The following PGLYRP4 variants were observed in gnomAD, a reference collection of about 807,000 sequenced individuals.
The protein encoded by PGLYRP4 is peptidoglycan recognition protein 4.
A neutral mutation model predicts 41.2 loss-of-function variants in PGLYRP4; 39 were observed. That is an observed-to-expected ratio of 0.95 (90% CI 0.73 to 1.24). The LOEUF (loss-of-function observed/expected upper bound fraction) is 1.24. Among genes scored for constraint, PGLYRP4 ranks in the 50% most tolerant of loss-of-function variants. The pLI, the probability that PGLYRP4 is intolerant of heterozygous loss-of-function variation, is 0.00. For synonymous variants in PGLYRP4, 202 were observed against 186.8 expected (o/e 1.08, Z -0.66); for missense variants, 467 against 460.7 (o/e 1.01, Z -0.13).
rs41310915 is a variant in PGLYRP4, at chr1:153,330,776, G to A, written c.1113C>T (p.Phe371=). 41,515 of 1,612,956 alleles carry A rather than the reference G, an allele frequency of 0.026. 641 individuals carry two copies. The highest frequency in any genetic ancestry group is 0.027 in the Non-Finnish European group (31,977 of 1,179,146). Residue 371 remains phenylalanine (F), a synonymous_variant, in exon 9 of 9, where the codon TTC becomes TTT. Transcript: ENST00000359650. ...GGACCTGGGGCTTCTCTCAGTGTTT[G>A]AAATGAGGCCAGGTGCTGATGATGT... ...LYNIISTWPH[F]KH is the part of the protein sequence containing the mutation.
chr1:153,335,599 C>T (rs763484459), intron 8 of PGLYRP4, among the ~76,000 whole-genome samples: 6 of 152,084 alleles, frequency 3.9e-5, no homozygotes, highest in Admixed American at 6.6e-5. Flanking sequence ...GTGGCATGCA[C>T]CTGTAGTCCT....
chr1:153,331,304 G>A (rs1013639071), intron 8 of PGLYRP4, among the ~76,000 whole-genome samples: 7 of 152,262 alleles, frequency 4.6e-5, no homozygotes, highest in Admixed American at 1.3e-4. Context: ...AATACTAGTC[G>A]GTAGAAGCCA....
In PGLYRP4 at chr1:153,337,231, G is replaced by A. The variant is rs753714193; in HGVS notation, c.893C>T (p.Pro298Leu). 1 of 1,613,886 alleles carries A rather than the reference G, an allele frequency of 6.2e-7. No homozygotes were observed. Among genetic ancestry groups the A allele is most frequent in the Admixed American group, 1.7e-5 (1 of 60,004 alleles). Reference protein sequence around the residue: ...VGWNVQGSSTPGYDDIALGIT... With the variant: ...VGWNVQGSSTLGYDDIALGIT... ...GCCCAGGGCAATGTCATCGTAGCCA[G>A]GGGTGGAGGAGCCTTGGACATTCCA... The change falls in exon 8 of 9, where the codon CCT becomes CTT. Residue 298 changes from proline to leucine, a missense_variant. Transcript: ENST00000359650.
chr1:153,340,024 G>A (rs931954987), intron 7 of PGLYRP4, among the ~76,000 whole-genome samples: 22 of 152,210 alleles, frequency 1.4e-4, no homozygotes, highest in African/African-American at 4.8e-4. Context: ...TGAGTAGGAG[G>A]CGGTGGTTAC....
rs760107853 is a variant in PGLYRP4 at position 153,340,587 on chromosome 1, G to A, written c.626-8C>T. ...GGACAACGCCGGGGCAAGCTGAGGT[G>A]GGGCGAGAAACCACAGAGGGTTCAT... On this transcript the variant is annotated splice_polypyrimidine_tract_variant and splice_region_variant and intron_variant, in intron 6 of 8. Transcript: ENST00000359650. The A allele has an allele frequency of 5.1e-5, 83 of 1,612,802 alleles. No homozygotes were observed. The highest frequency in any genetic ancestry group is 6.5e-5 in the Non-Finnish European group (77 of 1,179,772).
Position 153,340,590 on chromosome 1 carries a change from G to C in PGLYRP4, c.626-11C>G. 1 of 1,612,706 alleles carries C rather than the reference G, an allele frequency of 6.2e-7. No homozygotes were observed. Among genetic ancestry groups the C allele is most frequent in the South Asian group, 1.1e-5 (1 of 91,042 alleles). On this transcript the variant is annotated splice_polypyrimidine_tract_variant and intron_variant, in intron 6 of 8. Coordinates refer to ENST00000359650, the MANE Select transcript of PGLYRP4 (RefSeq NM_020393.4). ...CAACGCCGGGGCAAGCTGAGGTGGG[G>C]CGAGAAACCACAGAGGGTTCATCTT...
intron 8 of PGLYRP4, among the ~76,000 whole-genome samples, chr1:153,335,316 G>A (rs527410960): frequency 7.9e-5 from 12 of 152,046 alleles, no homozygotes; most frequent in Admixed American, 1.3e-4. Flanking sequence ...GCTAATACCC[G>A]GAATCTACAA....
At chr1:153,342,282 A>G (rs192524939) in intron 5 of PGLYRP4, among the ~76,000 whole-genome samples, 15 of 152,340 alleles carry the variant, frequency 9.8e-5, no homozygotes, top group Admixed American at 9.1e-4. Context: ...AAGCAAAAAC[A>G]AGATAAACAC....
In PGLYRP4 at chr1:153,345,059, A is replaced by G. The variant is rs550416744; in HGVS notation, c.353+110T>C. Reference sequence around the variant, plus strand: ...TTAAATATTTTATTCATTATAAAACATATAGGACCACAACCCAGAAAATGA... The same window carrying G: ...TTAAATATTTTATTCATTATAAAACGTATAGGACCACAACCCAGAAAATGA... On this transcript the variant is annotated intron_variant, in intron 4 of 8. Coordinates refer to ENST00000359650, the MANE Select transcript of PGLYRP4 (RefSeq NM_020393.4). The G allele has an allele frequency of 2.1e-4, 165 of 797,540 alleles. 1 individual carries two copies. The East Asian group carries it at 3.9e-3, about 19-fold the overall frequency. 49.4% of individuals were successfully genotyped at this position (797,540 alleles called of 1,614,324 possible). A position where few individuals can be genotyped will look rare whatever the true frequency, so the allele number is the denominator to read the frequency against.
chr1:153,347,856 C>G, intron 2 of PGLYRP4, 28 bp downstream of exon 2: 1 of 1,549,822 alleles, frequency 6.5e-7, no homozygotes, highest in East Asian at 2.2e-5. Flanking sequence ...TTCTCGGTTG[C>G]TTTTTGGCCC....
intron 8 of PGLYRP4, among the ~76,000 whole-genome samples, chr1:153,336,397 G>GAAAGA (rs1352032682): frequency 9.0e-6 from 1 of 111,482 alleles, no homozygotes; most frequent in East Asian, 2.9e-4. Context: ...AAAAAACAAA[G>GAAAGA]AAAGAAAAGA....
At chr1:153,346,832 T>C (rs1468465505) in intron 2 of PGLYRP4, among the ~76,000 whole-genome samples, 1 of 152,242 alleles carries the variant, frequency 6.6e-6, no homozygotes, top group Non-Finnish European at 1.5e-5. Flanking sequence ...TATTGCTATA[T>C]CTTCAGGTGC....
chr1:153,335,214 A>G (rs936802366), intron 8 of PGLYRP4, among the ~76,000 whole-genome samples: 3 of 152,228 alleles, frequency 2.0e-5, no homozygotes, highest in Admixed American at 6.5e-5. Flanking sequence ...TTAAACTAAA[A>G]TATTTCTTCA....
intron 2 of PGLYRP4, among the ~76,000 whole-genome samples, 199 bp from the exon 3 acceptor site, chr1:153,346,390 C>T (rs939762057): frequency 6.6e-6 from 1 of 152,136 alleles, no homozygotes; most frequent in Non-Finnish European, 1.5e-5. Flanking sequence ...TCCTTCCATG[C>T]CAACTCTGGG....
chr1:153,345,519 T>A (rs1557831805), intron 3 of PGLYRP4, 137 bp from the exon 4 acceptor site: 1 of 692,572 alleles, frequency 1.4e-6, no homozygotes, highest in Non-Finnish European at 2.5e-6. Context: ...CCTGCCCACC[T>A]CTACATACCC....
At position 153,347,926 on chromosome 1, in the gene PGLYRP4, G is replaced by T; in HGVS notation, c.7C>A (p.Pro3Thr). 6.2e-7 allele frequency: 1 copy of T among 1,613,446 alleles called. No individual in the cohort carries two copies. The highest frequency in any genetic ancestry group is 1.1e-5 in the South Asian group (1 of 91,036). Residue 3 changes from proline (P) to threonine (T), a missense_variant, in exon 2 of 9, where the codon CCG becomes ACG. Physicochemically the swap from Pro to Thr is conservative, Grantham distance 38. Transcript: ENST00000359650. ...AGAGCAGAGAAGACAAGAAGCCACG[G>T]CAGCATCCCCACGTGGTCCCAGGAC... The part of the protein sequence containing the change: ML[P>T]WLLVFSALGI...
chr1:153,346,766 A>G (rs1661027430), intron 2 of PGLYRP4, among the ~76,000 whole-genome samples: 1 of 152,226 alleles, frequency 6.6e-6, no homozygotes. Context: ...TCTGATTGAC[A>G]TCATAATAAC....
At chr1:153,337,875 CTCCAAACACTCTCTTCCCTTAGCT>C (rs1660634113) in intron 7 of PGLYRP4, among the ~76,000 whole-genome samples, 2 of 152,298 alleles carry the variant, frequency 1.3e-5, no homozygotes, top group South Asian at 4.2e-4. Flanking sequence ...CTCTTGACTT[CTCCAAACACTCTCTTCCCTTAGCT>C]TCCATCACAC....
intron 8 of PGLYRP4, among the ~76,000 whole-genome samples, chr1:153,336,789 T>C (rs948411107): frequency 2.0e-5 from 3 of 152,192 alleles, no homozygotes; most frequent in African/African-American, 7.2e-5. Flanking sequence ...GTGTGCACTC[T>C]CAGTGCAAAG....
Sources: gnomAD v4.1 joint callset for allele counts (sites outside exome capture counted in the v4.1 genomes callset) on GRCh38, gnomAD v4.1.1 for gene constraint, MANE v1.5 for transcripts, NCBI Gene and HGNC (gene_info 2026-07-23, HGNC 2026-07-21) for gene names.